KYAT3: variants seen among roughly 807,000 people sequenced by gnomAD.
The protein encoded by KYAT3 is kynurenine aminotransferase 3.
KYAT3 carries 50 observed loss-of-function variants against 59.0 expected under a neutral mutation model. The ratio of observed to expected loss-of-function variants is 0.85; its 90% CI spans 0.68 to 1.07. The LOEUF is 1.07. Ranked by LOEUF, KYAT3 falls within the 50% of genes least tolerant of loss-of-function variation. The probability of loss-of-function intolerance (pLI) is 0.00; values close to 1 mark genes in which losing one functional copy is unlikely to be tolerated. For synonymous variants in KYAT3, 148 were observed against 177.0 expected (o/e 0.84, Z 1.30); for missense variants, 497 against 533.3 (o/e 0.93, Z 0.67).
chr1:88,950,612 T>C (rs1197263273), intron 10 of KYAT3, among the ~76,000 whole-genome samples: 2 of 152,160 alleles, frequency 1.3e-5, no homozygotes, highest in South Asian at 2.1e-4. Context: ...TATCCTGGAC[T>C]CCTTTCTTTT....
chr1:88,930,847 A>G (rs1217738089), downstream of KYAT3, among the ~76,000 whole-genome samples: 4 of 152,162 alleles, frequency 2.6e-5, no homozygotes, highest in Non-Finnish European at 5.9e-5. Flanking sequence ...TACACTGCCA[A>G]GGTCATCAGA....
At chr1:88,984,040 A>G (rs1570843797) in intron 2 of KYAT3, 2 of 472,062 alleles carry the variant, frequency 4.2e-6, no homozygotes, top group Non-Finnish European at 8.1e-6. Flanking sequence ...TTGCCACTAG[A>G]TGGCAGAGGA....
In KYAT3 at chr1:88,961,441, A is replaced by G. The variant is rs143845439; in HGVS notation, c.606T>C (p.Ser202=). ...TAGCTTTGGTTTTGGAATTAAATTT[A>G]CTTTCCAGTTCTTGAGGATCTAATG... The part of the protein sequence containing the change: ...DWTLDPQELE[S]KFNSKTKAII... Residue 202 remains serine, a synonymous_variant, in exon 7 of 14, where the codon AGT becomes AGC. Coordinates refer to ENST00000260508, the MANE Select transcript of KYAT3 (RefSeq NM_001008661.3). 72 of 1,613,746 alleles carry G rather than the reference A, an allele frequency of 4.5e-5. No individual in the cohort carries two copies. In the African/African-American group the frequency reaches 7.9e-4, roughly 18 times the overall value.
At chr1:88,978,699 T>C (rs1676920745) in intron 2 of KYAT3, among the ~76,000 whole-genome samples, 1 of 150,842 alleles carries the variant, frequency 6.6e-6, no homozygotes, top group Non-Finnish European at 1.5e-5. Context: ...TTGGTAGAGA[T>C]AGAATATTGC....
chr1:88,986,112 C>T (rs1392314473), intron 2 of KYAT3, among the ~76,000 whole-genome samples: 3 of 150,482 alleles, frequency 2.0e-5, no homozygotes, highest in Non-Finnish European at 3.0e-5. Flanking sequence ...ACCCGAGAGG[C>T]GGAGGCTGCA....
intron 13 of KYAT3, among the ~76,000 whole-genome samples, chr1:88,940,822 C>T (rs576839562): frequency 3.3e-5 from 5 of 152,054 alleles, no homozygotes; most frequent in East Asian, 3.9e-4. Flanking sequence ...TCATGCCAAA[C>T]GGTCTAGAGA....
the KYAT3 span, among the ~76,000 whole-genome samples, chr1:88,923,168 G>A: frequency 4.6e-5 from 7 of 152,152 alleles, no homozygotes; most frequent in African/African-American, 1.4e-4. Context: ...GGCTTTCTAT[G>A]CCTTGCAACA....
At chr1:88,943,633 A>G (rs1288379028) in intron 11 of KYAT3, among the ~76,000 whole-genome samples, 1 of 152,240 alleles carries the variant, frequency 6.6e-6, no homozygotes, top group Non-Finnish European at 1.5e-5. Flanking sequence ...AGTCTAAGGC[A>G]GTACTCACAT....
At position 88,936,070 on chromosome 1, in the gene KYAT3, A is replaced by G. The variant is rs1468936281; in HGVS notation, c.*113T>C. 1 of 708,758 alleles carries G rather than the reference A, an allele frequency of 1.4e-6. No individual in the cohort carries two copies. Among genetic ancestry groups the G allele is most frequent in the African/African-American group, 1.8e-5 (1 of 56,746 alleles). 43.9% of individuals were successfully genotyped at this position (708,758 alleles called of 1,614,324 possible). ...TAACTGCTTTGGAAAAACAATGGAA[A>G]TATTTAAATTCCAGTTGTACTGAAA... On this transcript the variant is annotated 3_prime_UTR_variant, in exon 14 of 14. Transcript: ENST00000260508.
At chr1:88,988,022 C>T (rs984719209) in intron 2 of KYAT3, among the ~76,000 whole-genome samples, 21 of 152,088 alleles carry the variant, frequency 1.4e-4, no homozygotes, top group African/African-American at 4.8e-4. Context: ...TTTGTGAAGA[C>T]AAAATGAGGT....
intron 2 of KYAT3, among the ~76,000 whole-genome samples, chr1:88,986,392 G>A (rs1341166717): frequency 1.3e-5 from 2 of 151,648 alleles, no homozygotes; most frequent in Admixed American, 6.6e-5. Context: ...TTGGGAGGCC[G>A]AGGCAGGTGG....
chr1:88,972,207 TCA>T (rs1676579967), intron 2 of KYAT3, among the ~76,000 whole-genome samples: 1 of 152,212 alleles, frequency 6.6e-6, no homozygotes, highest in Non-Finnish European at 1.5e-5. Flanking sequence ...CTTGAGGACC[TCA>T]GTCTTTTCCT....
intron 11 of KYAT3, among the ~76,000 whole-genome samples, chr1:88,946,805 G>C (rs1444056610): frequency 2.0e-5 from 3 of 152,094 alleles, no homozygotes; most frequent in African/African-American, 7.2e-5. Context: ...ACAGCTCTAT[G>C]GCAATAGCAC....
chr1:88,922,470 G>A, the KYAT3 span, among the ~76,000 whole-genome samples: 35 of 152,270 alleles, frequency 2.3e-4, no homozygotes, highest in East Asian at 7.7e-4. Context: ...GGAGGTGAGC[G>A]GTGGGTGAGC....
At chr1:88,938,802 G>T (rs1675130173) in intron 13 of KYAT3, among the ~76,000 whole-genome samples, 1 of 152,166 alleles carries the variant, frequency 6.6e-6, no homozygotes. Context: ...GGGCATTTAG[G>T]TTGATCTGAA....
At chr1:88,934,512 G>GAACATAGAC (rs1463731629), downstream of KYAT3, among the ~76,000 whole-genome samples, 1 of 152,078 alleles carries the variant, frequency 6.6e-6, no homozygotes, top group Non-Finnish European at 1.5e-5. Context: ...AAAGGTAGGG[G>GAACATAGAC]AACATAGACT....
At chr1:88,931,880 CAAAAA>C (rs57089214), downstream of KYAT3, among the ~76,000 whole-genome samples, 4 of 30,982 alleles carry the variant, frequency 1.3e-4, no homozygotes, top group Non-Finnish European at 1.8e-4. Flanking sequence ...CCTGCAACTG[CAAAAA>C]AAAAAAAAAA....
the KYAT3 span, chr1:88,923,752 C>T: frequency 6.9e-6 from 2 of 288,966 alleles, no homozygotes; most frequent in Non-Finnish European, 1.4e-5. Flanking sequence ...CATCTGTCTG[C>T]CAGTGCCTGT....
At chr1:88,949,002 G>T in intron 11 of KYAT3, 89 bp downstream of exon 11, 1 of 1,088,576 alleles carries the variant, frequency 9.2e-7, no homozygotes, top group Non-Finnish European at 1.3e-6. Flanking sequence ...ATGCTGCTGT[G>T]GCTTTGACAC....
Sources: allele counts gnomAD v4.1 joint callset (sites outside exome capture counted in the v4.1 genomes callset), GRCh38; gene constraint gnomAD v4.1.1; transcripts MANE v1.5; gene names NCBI Gene and HGNC (gene_info 2026-07-23, HGNC 2026-07-21).